TMEM26: variants seen among roughly 807,000 people sequenced by gnomAD.
TMEM26 encodes transmembrane protein 26.
In TMEM26, 38 loss-of-function variants were observed where a neutral mutation model predicts 28.8. That is an observed-to-expected ratio of 1.32 (90% CI 1.02 to 1.73). The LOEUF (loss-of-function observed/expected upper bound fraction) is 1.73, where lower values mean the gene tolerates loss of function less well. Among genes scored for constraint, TMEM26 ranks in the 40% most tolerant of loss-of-function variants. TMEM26 has a pLI of 0.00. For synonymous variants in TMEM26, 227 were observed against 182.9 expected, an observed-to-expected ratio of 1.24 and a Z score of -1.95; for missense variants, 518 against 447.1, an observed-to-expected ratio of 1.16 and a Z score of -1.43.
chr10:61,412,808 G>T, intron 5 of TMEM26: 1 of 350,440 alleles, frequency 2.9e-6, no homozygotes, highest in South Asian at 4.1e-5. Flanking sequence ...GCGATGTGTG[G>T]TTGGTGGGTC....
intron 1 of TMEM26, among the ~76,000 whole-genome samples, chr10:61,447,898 A>G (rs892228007): frequency 6.6e-6 from 1 of 151,758 alleles, no homozygotes; most frequent in Non-Finnish European, 1.5e-5. Flanking sequence ...AGTTCTGATC[A>G]CTCATTTGTT....
chr10:61,430,719 G>A (rs944955245), intron 3 of TMEM26, among the ~76,000 whole-genome samples: 6 of 151,858 alleles, frequency 4.0e-5, no homozygotes, highest in African/African-American at 1.2e-4. Context: ...ACTTTTATTG[G>A]CATCCCCAAA....
chr10:61,410,517 C>G lies in TMEM26; in HGVS notation c.912G>C (p.Leu304Phe). Residue 304 changes from leucine to phenylalanine, a missense_variant, in exon 6 of 6, where the codon TTG becomes TTC. Coordinates refer to ENST00000399298, the MANE Select transcript of TMEM26 (RefSeq NM_178505.8). ...FLVVVLQLYR[L>F]VVLALAVRAS... ...CACGGACTGCCAATGCCAGCACCACCAAGCGGTAGAGTTGCAACACCACCA... is the reference window on the plus strand; with the variant it reads ...CACGGACTGCCAATGCCAGCACCACGAAGCGGTAGAGTTGCAACACCACCA... 6.2e-7 allele frequency: 1 copy of G among 1,614,118 alleles called. No individual in the cohort carries two copies. The highest frequency in any genetic ancestry group is 1.1e-5 in the South Asian group (1 of 91,078).
chr10:61,447,905 T>G (rs946415274), intron 1 of TMEM26, among the ~76,000 whole-genome samples: 3 of 152,220 alleles, frequency 2.0e-5, no homozygotes, highest in Non-Finnish European at 4.4e-5. Context: ...ATCACTCATT[T>G]GTTCACTTGT....
intron 2 of TMEM26, among the ~76,000 whole-genome samples, chr10:61,432,938 A>G (rs748888034): frequency 3.9e-5 from 6 of 152,206 alleles, no homozygotes; most frequent in Admixed American, 1.3e-4. Context: ...GAAGATAAAA[A>G]TTAAATGTTT....
At chr10:61,444,924 T>G (rs1840155121) in intron 1 of TMEM26, among the ~76,000 whole-genome samples, 2 of 152,148 alleles carry the variant, frequency 1.3e-5, no homozygotes, top group African/African-American at 2.4e-5. Flanking sequence ...AATGAGCTGA[T>G]GTGTGCAATG....
chr10:61,446,817 CAAAAAAAAAAAA>C (rs34030340), intron 1 of TMEM26, among the ~76,000 whole-genome samples: 41 of 33,942 alleles, frequency 1.2e-3, no homozygotes, highest in East Asian at 7.1e-3. Flanking sequence ...GACTCCATCT[CAAAAAAAAAAAA>C]AAAAAAAAAA....
At chr10:61,448,769 G>A (rs1840227868) in intron 1 of TMEM26, among the ~76,000 whole-genome samples, 1 of 152,098 alleles carries the variant, frequency 6.6e-6, no homozygotes, top group Non-Finnish European at 1.5e-5. Flanking sequence ...AAATAGGTGA[G>A]TTATTATTTA....
chr10:61,410,496 G>A lies in TMEM26; in HGVS notation c.933C>T (p.Val311=), dbSNP rs1405304451. ...LYRLVVLALA[V]RASLRSQSEG... The stretch of plus-strand genomic sequence containing the variant: ...CTGACTGACTTCTCAACGAAGCACG[G>A]ACTGCCAATGCCAGCACCACCAAGC... Residue 311 remains valine (V), a synonymous_variant, in exon 6 of 6, where the codon GTC becomes GTT. Coordinates refer to ENST00000399298, the MANE Select transcript of TMEM26 (RefSeq NM_178505.8). 6 of 1,613,966 alleles carry A rather than the reference G, an allele frequency of 3.7e-6. No homozygotes were observed. The African/African-American group carries it at 6.7e-5, about 18-fold the overall frequency.
Position 61,431,315 on chromosome 10 carries a change from A to C in TMEM26, c.288T>G (p.Ala96=). The C allele has an allele frequency of 6.2e-7, 1 of 1,613,008 alleles. No individual in the cohort carries two copies. The change falls in exon 3 of 6, where the codon GCT becomes GCG. Residue 96 remains alanine (A), a synonymous_variant. Transcript: ENST00000399298. ...TGCTGGTATTCTGTGATGTTCCTTC[A>C]GCCTGGATACTGCAATACTAAGAAT... ...HHETQYCSIQ[A]EGTSQNTSRK...
intron 1 of TMEM26, among the ~76,000 whole-genome samples, chr10:61,450,682 T>C (rs1262732435): frequency 6.6e-6 from 1 of 152,122 alleles, no homozygotes; most frequent in Non-Finnish European, 1.5e-5. Flanking sequence ...TGAGTGTAGA[T>C]ACTATGCCAG....
intron 4 of TMEM26, among the ~76,000 whole-genome samples, chr10:61,423,448 T>TA (rs1564475265): frequency 6.6e-6 from 1 of 152,182 alleles, no homozygotes; most frequent in African/African-American, 2.4e-5. Flanking sequence ...CAATAACATG[T>TA]AAAAAATATT....
At chr10:61,435,556 G>A (rs528370291) in intron 2 of TMEM26, among the ~76,000 whole-genome samples, 2 of 152,222 alleles carry the variant, frequency 1.3e-5, no homozygotes, top group East Asian at 1.9e-4. Context: ...TGGGTCCCAC[G>A]ACTCCTCCCC....
At chr10:61,431,091 C>G (rs45599333) in intron 3 of TMEM26, 128 bp downstream of exon 3, 90,952 of 686,000 alleles carry the variant, frequency 0.13, 6,548 homozygotes, top group Admixed American at 0.2. Flanking sequence ...TTGTGAATTC[C>G]TAAGCCAAAC....
At chr10:61,426,227 A>G (rs1432645116) in intron 4 of TMEM26, among the ~76,000 whole-genome samples, 1 of 152,164 alleles carries the variant, frequency 6.6e-6, no homozygotes, top group East Asian at 1.9e-4. Context: ...TAGGAAAGAA[A>G]AATCCACAGA....
At position 61,410,623 on chromosome 10, in the gene TMEM26, A is replaced by C; in HGVS notation, c.806T>G (p.Leu269Arg). 1.9e-6 allele frequency: 3 copies of C among 1,614,118 alleles called. No homozygotes were observed. Among genetic ancestry groups the C allele is most frequent in the Admixed American group, 1.7e-5 (1 of 60,014 alleles). The change falls in exon 6 of 6, where the codon CTT becomes CGT. Residue 269 changes from leucine (L) to arginine (R), a missense_variant. Physicochemically the swap from Leu to Arg is moderately radical, Grantham distance 102. Transcript: ENST00000399298. ...ISVFIQDGPF[L>R]VVRLILMTYF... ...GGTCATCAGTATGAGACGCACGACA[A>C]GGAAGGGGCCATCTTGTATGAAGAC...
intron 4 of TMEM26, chr10:61,416,198 T>A (rs1839649691): frequency 2.4e-6 from 1 of 417,326 alleles, no homozygotes; most frequent in Non-Finnish European, 4.7e-6. Context: ...CACAAGATCT[T>A]TTGAAGTTTC....
rs1363412613 is a variant in TMEM26, at chr10:61,407,911, A to G, written c.*2411T>C. On this transcript the variant is annotated 3_prime_UTR_variant, in exon 6 of 6. Coordinates refer to ENST00000399298, the MANE Select transcript of TMEM26 (RefSeq NM_178505.8). ...ACACATGGGAGGTAATTGATGTTCTAGCCACTTTATAACAAACAGTTGGAT... is the reference window on the plus strand; with the variant it reads ...ACACATGGGAGGTAATTGATGTTCTGGCCACTTTATAACAAACAGTTGGAT... The G allele has an allele frequency of 6.6e-6, 1 of 152,196 alleles. No homozygotes were observed. The highest frequency in any genetic ancestry group is 2.1e-4 in the South Asian group (1 of 4,836). 9.4% of individuals were successfully genotyped at this position (152,196 alleles called of 1,614,324 possible).
At chr10:61,424,494 T>G (rs1280591416) in intron 4 of TMEM26, among the ~76,000 whole-genome samples, 3 of 152,188 alleles carry the variant, frequency 2.0e-5, no homozygotes, top group South Asian at 4.1e-4. Flanking sequence ...CAAATTGATC[T>G]TTAGATTCAA....
Sources: allele counts gnomAD v4.1 joint callset (sites outside exome capture counted in the v4.1 genomes callset), GRCh38; gene constraint gnomAD v4.1.1; transcripts MANE v1.5; gene names NCBI Gene and HGNC (gene_info 2026-07-23, HGNC 2026-07-21).